Variants in DOK4 observed in about 807,000 individuals in gnomAD.
DOK4 encodes the protein downstream of tyrosine kinase 4.
In DOK4, 26 loss-of-function variants were observed where a neutral mutation model predicts 40.1. That is an observed-to-expected ratio of 0.65 (90% CI 0.48 to 0.90). DOK4 has a LOEUF of 0.90. Ranked by LOEUF, DOK4 falls within the 40% of genes least tolerant of loss-of-function variation. The pLI, the probability that DOK4 is intolerant of heterozygous loss-of-function variation, is 0.00. For missense variants in DOK4, 392 were observed against 437.2 expected (o/e 0.90, Z 0.92); for synonymous variants, 179 against 177.0 (o/e 1.01, Z -0.09).
chr16:57,482,916 C>T (rs1229270479), intron 1 of DOK4, among the ~76,000 whole-genome samples: 2 of 152,230 alleles, frequency 1.3e-5, no homozygotes, highest in Admixed American at 6.5e-5. Context: ...TGTTGCCCCA[C>T]CAGGGACTGT....
At chr16:57,482,647 G>T (rs547988886) in intron 1 of DOK4, among the ~76,000 whole-genome samples, 199 of 152,158 alleles carry the variant, frequency 1.3e-3, no homozygotes, top group Non-Finnish European at 2.3e-3. Context: ...GATTACAGGC[G>T]TGAGCCACTG....
intron 1 of DOK4, among the ~76,000 whole-genome samples, chr16:57,482,363 GTTTTTTTTTT>G (rs11390639): frequency 1.6e-4 from 15 of 93,028 alleles, no homozygotes; most frequent in Non-Finnish European, 4.0e-5. Flanking sequence ...TGGGGCTTTT[GTTTTTTTTTT>G]TTTTTTTTTT....
chr16:57,475,556 A>G, exon 4 of DOK4: 2 of 1,609,452 alleles, frequency 1.2e-6, no homozygotes, highest in Non-Finnish European at 1.7e-6. Flanking sequence ...TATGATGGCC[A>G]CCGCCTGCCG....
chr16:57,473,866 C>T (rs753622752), intron 7 of DOK4, 35 bp downstream of exon 7: 2 of 1,496,912 alleles, frequency 1.3e-6, no homozygotes, highest in African/African-American at 2.1e-5. Flanking sequence ...GTTCCCCCCT[C>T]CCCCCGTACC....
chr16:57,474,414 C>A (rs1185580622), intron 6 of DOK4, among the ~76,000 whole-genome samples: 1 of 151,892 alleles, frequency 6.6e-6, no homozygotes, highest in Non-Finnish European at 1.5e-5. Context: ...TCAGTCTAGG[C>A]AGACTGACTC....
At chr16:57,478,123 C>T (rs1322416340) in intron 2 of DOK4, among the ~76,000 whole-genome samples, 2 of 152,232 alleles carry the variant, frequency 1.3e-5, no homozygotes, top group African/African-American at 4.8e-5. Flanking sequence ...CTTGGCCTCC[C>T]TACCTCAGCC....
upstream of DOK4, chr16:57,487,313 T>A (rs2031566386): frequency 1.3e-5 from 2 of 152,244 alleles, no homozygotes; most frequent in Admixed American, 6.5e-5. Context: ...TTGAAACTTG[T>A]TAGAAATGCA....
chr16:57,484,599 C>A lies in DOK4; in HGVS notation c.-182+1706G>T, dbSNP rs1454214150. On this transcript the variant is annotated intron_variant, in intron 1 of 8. Coordinates refer to ENST00000340099, the Ensembl canonical transcript of DOK4. ...AGGAGAGTAATGCTGTGGCCCCGTA[C>A]CACTCTGGTTCTCCTGGGTCCCCTG... Among the ~76,000 whole-genome samples the A allele has an allele frequency of 2.0e-5, 3 of 152,314 alleles. No homozygotes were observed. The East Asian group carries it at 5.8e-4, about 29-fold the overall frequency.
At chr16:57,484,895 G>A (rs1438387913) in intron 1 of DOK4, among the ~76,000 whole-genome samples, 1 of 152,238 alleles carries the variant, frequency 6.6e-6, no homozygotes, top group African/African-American at 2.4e-5. Flanking sequence ...GAGACATCTG[G>A]AATGTCAGCT....
chr16:57,473,541 ACC>A (rs747223874), intron 8 of DOK4, 46 bp from the exon 9 acceptor site: 1 of 1,613,744 alleles, frequency 6.2e-7, no homozygotes. Context: ...AGGTCAAAAG[ACC>A]CCTGCCCAAT....
intron 1 of DOK4, among the ~76,000 whole-genome samples, chr16:57,482,163 C>G (rs2031432336): frequency 2.0e-5 from 3 of 151,060 alleles, no homozygotes. Context: ...TGCGCCCGGC[C>G]TTCTTTTTCT....
intron 2 of DOK4, chr16:57,476,182 A>C: frequency 5.5e-6 from 3 of 544,526 alleles, no homozygotes; most frequent in Non-Finnish European, 1.0e-5. Context: ...TGGCTCCAAA[A>C]CGCTGTTCCA....
At chr16:57,486,886 G>A (rs1370089800), upstream of DOK4, among the ~76,000 whole-genome samples, 1 of 151,758 alleles carries the variant, frequency 6.6e-6, no homozygotes, top group East Asian at 1.9e-4. Flanking sequence ...TGACTCTCTG[G>A]GCCCTCACAG....
intron 1 of DOK4, chr16:57,481,437 C>T (rs554611146): frequency 1.3e-5 from 2 of 152,442 alleles, no homozygotes; most frequent in Non-Finnish European, 1.5e-5. Context: ...TCACTGGCAA[C>T]TGATCCCCAA....
chr16:57,475,281 G>C (rs1353452663), intron 4 of DOK4, 62 bp from the exon 5 acceptor site: 3 of 1,579,308 alleles, frequency 1.9e-6, no homozygotes, highest in Non-Finnish European at 1.7e-6. Context: ...CGTCTGCCCA[G>C]CCTGACTTAT....
chr16:57,473,994 C>A, exon 7 of DOK4: 2 of 1,614,172 alleles, frequency 1.2e-6, no homozygotes, highest in Non-Finnish European at 1.7e-6. Context: ...TCTGCTCCCC[C>A]TCTTGTGTCT....
At chr16:57,473,240 T>TGGGGGCAAGGA (rs2030951662) in exon 9 of DOK4, 2 of 1,353,810 alleles carry the variant, frequency 1.5e-6, no homozygotes, top group Admixed American at 2.8e-5. Context: ...GCCTCATCCT[T>TGGGGGCAAGGA]GGGGGCAAGG....
intron 2 of DOK4, chr16:57,478,480 A>T (rs1189731320): frequency 1.3e-5 from 2 of 151,994 alleles, no homozygotes; most frequent in African/African-American, 4.8e-5. Flanking sequence ...GGTCAAACAC[A>T]AGACTTGGGT....
Position 57,479,553 on chromosome 16 carries a change from GA to G in DOK4, c.-47del. The stretch of plus-strand genomic sequence containing the variant: ...GCGCGGGGCCTGGCAGAGGCGAGGG[GA>G]AGGATGCCCAGGTGCCTGGGTCTCC... On this transcript the variant is annotated 5_prime_UTR_variant, in exon 2 of 9. Transcript: ENST00000340099. The surrounding 1 kb of genome is among the most constrained non-coding windows in gnomAD (Gnocchi z 5.8). The G allele has an allele frequency of 6.2e-7, 1 of 1,606,134 alleles. No individual in the cohort carries two copies. Among genetic ancestry groups the G allele is most frequent in the Non-Finnish European group, 8.5e-7 (1 of 1,175,532 alleles).
Sources: gnomAD v4.1 joint callset for allele counts (sites outside exome capture counted in the v4.1 genomes callset) on GRCh38, gnomAD v4.1.1 for gene constraint, Gnocchi (gnomAD v3.1) non-coding constraint, MANE v1.5 for transcripts, NCBI Gene and HGNC (gene_info 2026-07-23, HGNC 2026-07-21) for gene names.